SLC16A14: variants seen among roughly 807,000 people sequenced by gnomAD.
SLC16A14 encodes the protein solute carrier family 16 member 14, also known as monocarboxylate transporter 14.
In SLC16A14, 14 loss-of-function variants were observed where a neutral mutation model predicts 35.8. The ratio of observed to expected loss-of-function variants is 0.39; its 90% CI spans 0.26 to 0.61. The LOEUF is 0.61. Among genes scored for constraint, SLC16A14 ranks in the 20% least tolerant of loss-of-function variants. SLC16A14 has a pLI of 0.51. For synonymous variants in SLC16A14, 248 were observed against 258.9 expected, an observed-to-expected ratio of 0.96 and a Z score of 0.40; for missense variants, 533 against 655.0, an observed-to-expected ratio of 0.81 and a Z score of 2.03.
chr2:230,046,629 G>A lies in SLC16A14; in HGVS notation c.497C>T (p.Thr166Met), dbSNP rs1428088055. The stretch of plus-strand genomic sequence containing the variant: ...TAGGAACGTACCGAATCCGGTCCCC[G>A]TGGTGCTGAGGCCCTGGGCGAGGGC... ...RRALAQGLST[T>M]GTGFGTFLMT... The change falls in exon 4 of 5, where the codon ACG (threonine) becomes ATG (methionine). Residue 166 changes from threonine (T) to methionine (M), a missense_variant. Physicochemically the swap from Thr to Met is moderately conservative, Grantham distance 81 (BLOSUM62 -1). Transcript: ENST00000295190. This position sits in a 1 kb window ranked among gnomAD's most constrained non-coding sequence, Gnocchi z 5.0. The A allele has an allele frequency of 2.5e-6, 4 of 1,611,404 alleles. No homozygotes were observed. Among genetic ancestry groups the A allele is most frequent in the African/African-American group, 1.3e-5 (1 of 74,934 alleles).
At chr2:230,057,944 C>G (rs1036709802) in intron 2 of SLC16A14, among the ~76,000 whole-genome samples, 3 of 151,886 alleles carry the variant, frequency 2.0e-5, no homozygotes, top group African/African-American at 4.8e-5. Context: ...CAGGAGAATA[C>G]CTTGAACCTG....
chr2:230,066,551 G>T (rs1485951025), intron 1 of SLC16A14: 3 of 379,676 alleles, frequency 7.9e-6, no homozygotes, highest in Non-Finnish European at 1.5e-5. Context: ...AGGCAGAAAT[G>T]AAAATAACAG....
chr2:230,066,893 C>T (rs1248207616), intron 1 of SLC16A14: 1 of 238,262 alleles, frequency 4.2e-6, no homozygotes, highest in East Asian at 1.6e-4. Context: ...TCCCAAAATG[C>T]TGGGATTACA....
intron 4 of SLC16A14, among the ~76,000 whole-genome samples, chr2:230,040,039 G>T (rs1463188304): frequency 2.0e-5 from 3 of 151,936 alleles, no homozygotes; most frequent in African/African-American, 7.3e-5. Flanking sequence ...ATTTCTCTTG[G>T]CTCCTTGTCT....
Position 230,045,915 on chromosome 2 carries a change from G to C in SLC16A14, c.1211C>G (p.Thr404Arg), listed in dbSNP as rs199728364. The change falls in exon 4 of 5, where the codon ACG becomes AGG. Residue 404 changes from threonine to arginine, a missense_variant. Thr to Arg is a moderately conservative substitution (Grantham distance 71, BLOSUM62 -1). Coordinates refer to ENST00000295190, the MANE Select transcript of SLC16A14 (RefSeq NM_152527.5). ...LSIFILPLMHTYAGLAVICAL... is the reference protein window; with the variant it reads ...LSIFILPLMHRYAGLAVICAL... Reference sequence around the variant, plus strand: ...ACAGATGACCGCCAGGCCAGCGTACGTGTGCATCAACGGCAGAATAAAAAT... The same window carrying C: ...ACAGATGACCGCCAGGCCAGCGTACCTGTGCATCAACGGCAGAATAAAAAT... 1 of 1,612,486 alleles carries C rather than the reference G, an allele frequency of 6.2e-7. No homozygotes were observed. Among genetic ancestry groups the C allele is most frequent in the East Asian group, 2.2e-5 (1 of 44,822 alleles).
chr2:230,049,688 C>T (rs1236456684), intron 3 of SLC16A14, 73 bp downstream of exon 3: 11 of 1,523,240 alleles, frequency 7.2e-6, no homozygotes, highest in Non-Finnish European at 9.9e-6. Flanking sequence ...TCTCTTTTCT[C>T]CACAATTAAA....
rs368562835 is a variant in SLC16A14, at chr2:230,049,825, G to C, written c.339C>G (p.Gly113=). 16 of 1,614,060 alleles carry C rather than the reference G, an allele frequency of 9.9e-6. No individual in the cohort carries two copies. The highest frequency in any genetic ancestry group is 8.5e-7 in the Non-Finnish European group (1 of 1,180,024). ...TTGCAGCATAGGCACTCAACACCCAGCCCAGGGAGTTGACGAGCCCTCCAA... is the reference window on the plus strand; with the variant it reads ...TTGCAGCATAGGCACTCAACACCCACCCCAGGGAGTTGACGAGCCCTCCAA... ...AIIGGLVNSL[G]WVLSAYAANV... The change falls in exon 3 of 5, where the codon GGC becomes GGG. Residue 113 remains glycine (G), a synonymous_variant. Transcript: ENST00000295190.
At chr2:230,050,751 T>G (rs1391676630) in intron 2 of SLC16A14, among the ~76,000 whole-genome samples, 1 of 152,198 alleles carries the variant, frequency 6.6e-6, no homozygotes, top group African/African-American at 2.4e-5. Context: ...TTAGCTAACA[T>G]TTACTGAGCA....
At chr2:230,062,348 C>CTTTTT (rs374870184) in intron 1 of SLC16A14, among the ~76,000 whole-genome samples, 1 of 127,680 alleles carries the variant, frequency 7.8e-6, no homozygotes, top group East Asian at 2.2e-4. Context: ...TTGTTTTTAC[C>CTTTTT]TTTTTTTTTT....
At chr2:230,044,459 CAG>C (rs1228879641) in intron 4 of SLC16A14, among the ~76,000 whole-genome samples, 2 of 132,350 alleles carry the variant, frequency 1.5e-5, no homozygotes, top group African/African-American at 2.9e-5. Flanking sequence ...GCTTGGGTGA[CAG>C]AGGGAGATTC....
intron 2 of SLC16A14, among the ~76,000 whole-genome samples, chr2:230,051,976 G>C (rs1473454037): frequency 7.5e-6 from 1 of 132,870 alleles, no homozygotes; most frequent in Admixed American, 8.0e-5. Flanking sequence ...TAGCTCTGTT[G>C]CCCAGGCTGG....
chr2:230,045,047 T>TG (rs1253322027), intron 4 of SLC16A14, among the ~76,000 whole-genome samples: 1 of 152,070 alleles, frequency 6.6e-6, no homozygotes, highest in African/African-American at 2.4e-5. Flanking sequence ...TAGCTTCCCT[T>TG]GGGGGGAAAC....
At chr2:230,061,803 G>T (rs546970192) in intron 1 of SLC16A14, among the ~76,000 whole-genome samples, 3 of 150,644 alleles carry the variant, frequency 2.0e-5, no homozygotes, top group African/African-American at 7.3e-5. Context: ...GGGCAGTGGC[G>T]TAATTTTGAC....
chr2:230,042,646 A>C (rs73998720), intron 4 of SLC16A14, among the ~76,000 whole-genome samples: 4,555 of 152,200 alleles, frequency 0.03, 125 homozygotes, highest in Admixed American at 0.065. Context: ...CATACCTCCA[A>C]TGGATATTTA....
chr2:230,053,807 G>A (rs2077681668), intron 2 of SLC16A14, among the ~76,000 whole-genome samples: 1 of 152,082 alleles, frequency 6.6e-6, no homozygotes, highest in South Asian at 2.1e-4. Context: ...ACTGCTGTGG[G>A]GAACACCCTC....
At chr2:230,039,035 A>G (rs2077539384) in intron 4 of SLC16A14, among the ~76,000 whole-genome samples, 1 of 152,086 alleles carries the variant, frequency 6.6e-6, no homozygotes, top group African/African-American at 2.4e-5. Context: ...AACTTCTCCC[A>G]TCAAGAAACA....
intron 1 of SLC16A14, among the ~76,000 whole-genome samples, chr2:230,062,348 C>CT (rs374870184): frequency 0.39 from 50,334 of 127,630 alleles, 10,643 homozygotes; most frequent in Non-Finnish European, 0.47. Flanking sequence ...TTGTTTTTAC[C>CT]TTTTTTTTTT....
chr2:230,044,908 T>G (rs1013769434), intron 4 of SLC16A14, among the ~76,000 whole-genome samples: 1 of 152,034 alleles, frequency 6.6e-6, no homozygotes, highest in Non-Finnish European at 1.5e-5. Flanking sequence ...CACCATAAGT[T>G]TCTGGCAACT....
rs2077608104 is a variant in SLC16A14, at chr2:230,046,452, T to A, written c.674A>T (p.Asp225Val). Residue 225 changes from aspartate to valine, a missense_variant, in exon 4 of 5, where the codon GAT becomes GTT. Coordinates refer to ENST00000295190, the MANE Select transcript of SLC16A14 (RefSeq NM_152527.5). This position sits in a 1 kb window ranked among gnomAD's most constrained non-coding sequence, Gnocchi z 5.0. ...GKNPNDPGEK[D>V]VRGLPAHSTE... ...GGAGTGCGCTGGCAGGCCACGCACA[T>A]CTTTCTCTCCTGGGTCGTTTGGGTT... 2 of 1,614,070 alleles carry A rather than the reference T, an allele frequency of 1.2e-6. No individual in the cohort carries two copies. The highest frequency in any genetic ancestry group is 1.7e-6 in the Non-Finnish European group (2 of 1,180,038).
Sources: gnomAD v4.1 joint callset for allele counts (sites outside exome capture counted in the v4.1 genomes callset) on GRCh38, gnomAD v4.1.1 for gene constraint, Gnocchi (gnomAD v3.1) non-coding constraint, MANE v1.5 for transcripts, NCBI Gene and HGNC (gene_info 2026-07-23, HGNC 2026-07-21) for gene names.